Variants in GFRAL observed in about 807,000 individuals in gnomAD.
GFRAL encodes GDNF family receptor alpha-like.
Under a neutral mutation model 45.4 loss-of-function variants are expected in GFRAL, and 36 were observed. That is an observed-to-expected ratio of 0.79 (90% CI 0.61 to 1.05). The LOEUF is 1.05. GFRAL is among the 50% of genes least tolerant of loss of function. The pLI is 0.00. For missense variants in GFRAL, 507 were observed against 467.5 expected, an observed-to-expected ratio of 1.08 and a Z score of -0.78; for synonymous variants, 166 against 154.1, an observed-to-expected ratio of 1.08 and a Z score of -0.57.
intron 3 of GFRAL, among the ~76,000 whole-genome samples, chr6:55,340,981 C>T (rs563041638): frequency 2.4e-4 from 37 of 152,276 alleles, no homozygotes; most frequent in South Asian, 8.3e-4. Context: ...GAGGGAGGGA[C>T]GCCTGTCATT....
intron 8 of GFRAL, among the ~76,000 whole-genome samples, chr6:55,401,087 A>G (rs1581764269): frequency 6.6e-6 from 1 of 152,200 alleles, no homozygotes; most frequent in African/African-American, 2.4e-5. Flanking sequence ...CATAGAAGGC[A>G]TATCCCTTTT....
chr6:55,387,500 G>A (rs1361339266), intron 6 of GFRAL, among the ~76,000 whole-genome samples: 1 of 152,148 alleles, frequency 6.6e-6, no homozygotes, highest in Non-Finnish European at 1.5e-5. Context: ...AGCATCAGAT[G>A]TATTGCCATA....
intron 3 of GFRAL, among the ~76,000 whole-genome samples, chr6:55,339,076 G>A (rs1037680208): frequency 2.0e-5 from 3 of 152,146 alleles, no homozygotes; most frequent in Non-Finnish European, 4.4e-5. Context: ...CACCGGTCCT[G>A]AGAATTATAA....
intron 6 of GFRAL, among the ~76,000 whole-genome samples, chr6:55,389,067 T>C (rs1461137236): frequency 2.6e-5 from 4 of 152,188 alleles, no homozygotes; most frequent in Non-Finnish European, 5.9e-5. Flanking sequence ...TATAGATATA[T>C]GCTTTACATG....
At chr6:55,389,878 A>T (rs1768725568) in intron 6 of GFRAL, among the ~76,000 whole-genome samples, 2 of 152,248 alleles carry the variant, frequency 1.3e-5, no homozygotes, top group Admixed American at 6.5e-5. Context: ...TTTATGAATA[A>T]AAGGAATGTG....
At chr6:55,396,293 G>A (rs1768823872) in intron 6 of GFRAL, among the ~76,000 whole-genome samples, 1 of 152,180 alleles carries the variant, frequency 6.6e-6, no homozygotes, top group Admixed American at 6.5e-5. Flanking sequence ...TTCCATGTGA[G>A]AGAAATTTAG....
At chr6:55,347,110 A>G (rs1339643612) in intron 3 of GFRAL, among the ~76,000 whole-genome samples, 1 of 152,112 alleles carries the variant, frequency 6.6e-6, no homozygotes, top group African/African-American at 2.4e-5. Flanking sequence ...AAAGACAATA[A>G]CAAGAAACTG....
At chr6:55,346,699 G>GA (rs977825658) in intron 3 of GFRAL, among the ~76,000 whole-genome samples, 2 of 147,640 alleles carry the variant, frequency 1.4e-5, no homozygotes, top group South Asian at 2.1e-4. Context: ...AAAAGTAAAA[G>GA]AAAAAAAAAG....
intron 6 of GFRAL, among the ~76,000 whole-genome samples, chr6:55,392,305 T>C (rs1414775373): frequency 2.0e-5 from 3 of 152,238 alleles, no homozygotes; most frequent in Non-Finnish European, 4.4e-5. Context: ...ATGCATCATT[T>C]TATGAATATC....
At chr6:55,338,493 CA>C (rs1280831974) in intron 3 of GFRAL, among the ~76,000 whole-genome samples, 22 of 152,186 alleles carry the variant, frequency 1.4e-4, no homozygotes, top group Non-Finnish European at 2.1e-4. Flanking sequence ...TGGATGATCT[CA>C]ATTCTCAATT....
intron 6 of GFRAL, among the ~76,000 whole-genome samples, chr6:55,387,438 C>G (rs1768694131): frequency 6.6e-6 from 1 of 152,136 alleles, no homozygotes; most frequent in Admixed American, 6.5e-5. Flanking sequence ...TTATTATGAG[C>G]ATGTGTATTC....
At chr6:55,381,562 G>A (rs1188111501) in intron 6 of GFRAL, among the ~76,000 whole-genome samples, 3 of 151,850 alleles carry the variant, frequency 2.0e-5, no homozygotes, top group Admixed American at 6.6e-5. Context: ...AAAGTACTTT[G>A]AATACACTCA....
At chr6:55,343,853 T>C (rs1012547720) in intron 3 of GFRAL, among the ~76,000 whole-genome samples, 1 of 150,694 alleles carries the variant, frequency 6.6e-6, no homozygotes, top group African/African-American at 2.4e-5. Context: ...GATATCACCA[T>C]TTAATACAGA....
intron 6 of GFRAL, among the ~76,000 whole-genome samples, chr6:55,379,992 C>T (rs1452610309): frequency 2.0e-5 from 3 of 151,750 alleles, no homozygotes; most frequent in African/African-American, 7.3e-5. Context: ...TCATTTTTTT[C>T]CATGGTTGAA....
At chr6:55,334,278 G>A (rs186733742) in intron 3 of GFRAL, among the ~76,000 whole-genome samples, 1 of 152,216 alleles carries the variant, frequency 6.6e-6, no homozygotes, top group Admixed American at 6.5e-5. Context: ...ATATATTTGT[G>A]GAGTTTATTG....
At chr6:55,347,275 A>G (rs1768056011) in intron 3 of GFRAL, among the ~76,000 whole-genome samples, 1 of 152,176 alleles carries the variant, frequency 6.6e-6, no homozygotes, top group Non-Finnish European at 1.5e-5. Context: ...AGCGAGTAAG[A>G]TAAGTAATAT....
In GFRAL at chr6:55,361,371, T is replaced by A. The variant is rs528323898; in HGVS notation, c.952+2233T>A. Among the ~76,000 whole-genome samples the A allele has an allele frequency of 2.0e-5, 3 of 152,094 alleles. No homozygotes were observed. The East Asian group carries it at 5.8e-4, about 29-fold the overall frequency. On this transcript the variant is annotated intron_variant, in intron 6 of 8. Transcript: ENST00000340465. ...GATATAAAATGGTGTAGTATTTGCA[T>A]ATAACCTATGTATATCCTCCCATAT...
chr6:55,337,517 A>C (rs1040499143), intron 3 of GFRAL, among the ~76,000 whole-genome samples: 5 of 152,222 alleles, frequency 3.3e-5, no homozygotes, highest in Non-Finnish European at 1.5e-5. Flanking sequence ...TTCATTAACC[A>C]GTAAAGATAT....
intron 6 of GFRAL, among the ~76,000 whole-genome samples, chr6:55,368,181 T>A (rs1693182559): frequency 6.6e-6 from 1 of 151,916 alleles, no homozygotes; most frequent in Admixed American, 6.6e-5. Flanking sequence ...TCTCACTTCA[T>A]TTCATTCATT....
Sources: gnomAD v4.1 joint callset for allele counts (sites outside exome capture counted in the v4.1 genomes callset) on GRCh38, gnomAD v4.1.1 for gene constraint, MANE v1.5 for transcripts, NCBI Gene and HGNC (gene_info 2026-07-23, HGNC 2026-07-21) for gene names.